Variants in BCAT1 observed in about 807,000 individuals in gnomAD.
BCAT1 encodes the protein branched chain amino acid transaminase 1, also known as branched-chain-amino-acid aminotransferase, cytosolic.
BCAT1 carries 48 observed loss-of-function variants against 52.4 expected under a neutral mutation model. The ratio of observed to expected loss-of-function variants is 0.92; its 90% CI spans 0.73 to 1.16. The LOEUF (loss-of-function observed/expected upper bound fraction) is 1.16. Among genes scored for constraint, BCAT1 ranks in the 50% most tolerant of loss-of-function variants. BCAT1 has a pLI of 0.00. For synonymous variants in BCAT1, 167 were observed against 161.3 expected, an observed-to-expected ratio of 1.04 and a Z score of -0.27; for missense variants, 451 against 457.1, an observed-to-expected ratio of 0.99 and a Z score of 0.12.
intron 5 of BCAT1, among the ~76,000 whole-genome samples, chr12:24,871,097 G>A (rs1357578339): frequency 6.6e-6 from 1 of 151,926 alleles, no homozygotes; most frequent in African/African-American, 2.4e-5. Context: ...GACAAGTGGG[G>A]TCACTTCTGA....
chr12:24,824,515 G>A (rs898160904), intron 10 of BCAT1, among the ~76,000 whole-genome samples: 2 of 152,054 alleles, frequency 1.3e-5, no homozygotes, highest in East Asian at 1.9e-4. Flanking sequence ...GCCTAGGCTC[G>A]TCTTGAAGTA....
intron 1 of BCAT1, chr12:24,903,080 G>A: frequency 7.2e-7 from 1 of 1,385,876 alleles, no homozygotes; most frequent in East Asian, 3.1e-5. Flanking sequence ...CCAAGCCCCG[G>A]CGCACGGCCC....
At chr12:24,850,077 A>T in intron 5 of BCAT1, 128 bp from the exon 6 acceptor site, 1 of 892,862 alleles carries the variant, frequency 1.1e-6, no homozygotes, top group Non-Finnish European at 1.6e-6. Context: ...CCATACTTTT[A>T]AAATTGAGTT....
chr12:24,889,722 G>T (rs1233465619), intron 3 of BCAT1, among the ~76,000 whole-genome samples: 1 of 152,172 alleles, frequency 6.6e-6, no homozygotes, highest in African/African-American at 2.4e-5. Context: ...GGGCTGGGTG[G>T]CTCATGCCTG....
intron 1 of BCAT1, among the ~76,000 whole-genome samples, chr12:24,929,708 C>T (rs1437124722): frequency 6.6e-6 from 1 of 152,096 alleles, no homozygotes; most frequent in Non-Finnish European, 1.5e-5. Flanking sequence ...TTGCTATACA[C>T]TTCCTCTCCT....
intron 4 of BCAT1, among the ~76,000 whole-genome samples, chr12:24,879,505 C>G (rs1194207828): frequency 6.6e-6 from 1 of 152,142 alleles, no homozygotes; most frequent in Non-Finnish European, 1.5e-5. Context: ...ATGAGTCAGT[C>G]ATAAGCATCT....
At chr12:24,874,739 C>T (rs1942278512) in intron 5 of BCAT1, among the ~76,000 whole-genome samples, 1 of 152,296 alleles carries the variant, frequency 6.6e-6, no homozygotes, top group African/African-American at 2.4e-5. Flanking sequence ...CTAGAAATTT[C>T]GATTTGGGTC....
At chr12:24,868,959 T>C (rs151279398) in intron 5 of BCAT1, among the ~76,000 whole-genome samples, 1 of 152,150 alleles carries the variant, frequency 6.6e-6, no homozygotes, top group Non-Finnish European at 1.5e-5. Context: ...AAAGGATTTA[T>C]ACCTAGAATA....
At chr12:24,866,310 A>G (rs2133583) in intron 5 of BCAT1, among the ~76,000 whole-genome samples, 28,834 of 152,116 alleles carry the variant, frequency 0.19, 3,308 homozygotes, top group African/African-American at 0.32. Flanking sequence ...ATTTCTCGCC[A>G]GGCCTTAGCT....
intron 5 of BCAT1, among the ~76,000 whole-genome samples, chr12:24,871,443 G>A (rs558493363): frequency 4.6e-5 from 7 of 152,222 alleles, no homozygotes; most frequent in South Asian, 2.1e-4. Flanking sequence ...AGTGCTGGGC[G>A]AAAAAGAGAA....
At chr12:24,908,917 T>C (rs1023178012) in intron 1 of BCAT1, among the ~76,000 whole-genome samples, 2 of 152,196 alleles carry the variant, frequency 1.3e-5, no homozygotes, top group Non-Finnish European at 2.9e-5. Flanking sequence ...GAGTCTCATA[T>C]TTAAACTCAG....
At chr12:24,932,226 C>T (rs1437144095) in intron 1 of BCAT1, among the ~76,000 whole-genome samples, 1 of 152,158 alleles carries the variant, frequency 6.6e-6, no homozygotes, top group Non-Finnish European at 1.5e-5. Context: ...TACTCAAAAC[C>T]TCTCAGGGGC....
At chr12:24,920,713 C>T (rs1170735906) in intron 1 of BCAT1, among the ~76,000 whole-genome samples, 1 of 152,142 alleles carries the variant, frequency 6.6e-6, no homozygotes, top group African/African-American at 2.4e-5. Flanking sequence ...ATCAGATCCA[C>T]AAGTTGAGGG....
At chr12:24,862,154 C>T (rs536772983) in intron 5 of BCAT1, among the ~76,000 whole-genome samples, 84 of 152,336 alleles carry the variant, frequency 5.5e-4, no homozygotes, top group East Asian at 5.8e-4. Context: ...TTCAGTGCTG[C>T]TCTGCTTATG....
In BCAT1 at chr12:24,949,075, G is replaced by T; in HGVS notation, c.-143C>A. 4.0e-6 allele frequency: 3 copies of T among 751,498 alleles called. No homozygotes were observed. The highest frequency in any genetic ancestry group is 4.3e-6 in the Non-Finnish European group (2 of 462,610). 46.6% of individuals were successfully genotyped at this position (751,498 alleles called of 1,614,324 possible). On this transcript the variant is annotated 5_prime_UTR_variant, in exon 1 of 11. Transcript: ENST00000261192. ...ACCTGGGGCAGTGCCCGAGGCGGCG[G>T]CGAGTACACGTGGCGGGCTGGATTG... is the stretch of plus-strand genomic sequence containing the variant.
At chr12:24,943,318 C>G (rs920490242) in intron 1 of BCAT1, among the ~76,000 whole-genome samples, 1 of 151,760 alleles carries the variant, frequency 6.6e-6, no homozygotes, top group Admixed American at 6.6e-5. Flanking sequence ...CATGGAGAAA[C>G]CCCATCTCTA....
At chr12:24,925,638 A>G (rs955320087) in intron 1 of BCAT1, among the ~76,000 whole-genome samples, 1 of 151,162 alleles carries the variant, frequency 6.6e-6, no homozygotes, top group Non-Finnish European at 1.5e-5. Flanking sequence ...CTCTGATGCC[A>G]AGCCGAAGCT....
At chr12:24,841,143 G>A (rs975376423) in intron 7 of BCAT1, among the ~76,000 whole-genome samples, 3 of 152,158 alleles carry the variant, frequency 2.0e-5, no homozygotes, top group Non-Finnish European at 4.4e-5. Flanking sequence ...GATATCTATA[G>A]TGGATATATG....
intron 1 of BCAT1, among the ~76,000 whole-genome samples, chr12:24,920,952 T>C (rs528653550): frequency 6.6e-6 from 1 of 152,290 alleles, no homozygotes; most frequent in African/African-American, 2.4e-5. Flanking sequence ...AAGGTCCAAG[T>C]CTGGAAGGGT....
Sources: gnomAD v4.1 joint callset for allele counts (sites outside exome capture counted in the v4.1 genomes callset) on GRCh38, gnomAD v4.1.1 for gene constraint, MANE v1.5 for transcripts, NCBI Gene and HGNC (gene_info 2026-07-23, HGNC 2026-07-21) for gene names.